Variants in MDGA2 observed in about 807,000 individuals in gnomAD.
MDGA2 encodes the protein MAM domain containing glycosylphosphatidylinositol anchor 2.
A neutral mutation model predicts 117.8 loss-of-function variants in MDGA2; 40 were observed. The ratio of observed to expected loss-of-function variants is 0.34; its 90% CI spans 0.26 to 0.44. The LOEUF (loss-of-function observed/expected upper bound fraction) is 0.44. Among genes scored for constraint, MDGA2 ranks in the 20% least tolerant of loss-of-function variants. The probability of loss-of-function intolerance (pLI) is 1.00; values close to 1 mark genes in which losing one functional copy is unlikely to be tolerated. For missense variants in MDGA2, 1,123 were observed against 1,250.6 expected (o/e 0.90, Z 1.54); for synonymous variants, 452 against 439.0 (o/e 1.03, Z -0.37).
intron 1 of MDGA2, among the ~76,000 whole-genome samples, chr14:47,385,184 A>G (rs557423318): frequency 1.3e-5 from 2 of 152,120 alleles, no homozygotes; most frequent in Non-Finnish European, 2.9e-5. Context: ...GTTTTCATTT[A>G]TGTTTTAAGT....
intron 1 of MDGA2, among the ~76,000 whole-genome samples, chr14:47,459,920 C>A (rs1283264914): frequency 6.6e-6 from 1 of 151,966 alleles, no homozygotes; most frequent in Non-Finnish European, 1.5e-5. Flanking sequence ...TCAAACCAGG[C>A]AATTTATTTT....
chr14:47,220,634 C>T (rs1407073303), intron 2 of MDGA2, among the ~76,000 whole-genome samples: 1 of 152,148 alleles, frequency 6.6e-6, no homozygotes, highest in African/African-American at 2.4e-5. Flanking sequence ...CTATTTATAG[C>T]CCTGGACTTC....
intron 5 of MDGA2, among the ~76,000 whole-genome samples, chr14:47,105,602 T>C (rs1880612857): frequency 6.6e-6 from 1 of 152,040 alleles, no homozygotes; most frequent in Non-Finnish European, 1.5e-5. Flanking sequence ...AAAATGGCAC[T>C]TTGAATTTTT....
At chr14:47,237,948 A>C (rs992294370) in intron 2 of MDGA2, among the ~76,000 whole-genome samples, 1 of 152,062 alleles carries the variant, frequency 6.6e-6, no homozygotes, top group East Asian at 1.9e-4. Context: ...TTGGCTTCCC[A>C]TTGCCCAGAA....
chr14:47,224,465 A>C (rs1291706848), intron 2 of MDGA2, among the ~76,000 whole-genome samples: 1 of 151,406 alleles, frequency 6.6e-6, no homozygotes, highest in Non-Finnish European at 1.5e-5. Context: ...TAGATGCAAC[A>C]AACTCAATAA....
intron 9 of MDGA2, among the ~76,000 whole-genome samples, chr14:46,943,507 T>A (rs1167794186): frequency 6.6e-6 from 1 of 152,066 alleles, no homozygotes; most frequent in East Asian, 1.9e-4. Flanking sequence ...CAAAAAACTT[T>A]TGAAGGATTT....
At chr14:47,035,687 G>C (rs909728233) in intron 7 of MDGA2, among the ~76,000 whole-genome samples, 1 of 152,116 alleles carries the variant, frequency 6.6e-6, no homozygotes, top group African/African-American at 2.4e-5. Context: ...GTCAGAAAGG[G>C]AAAAAGAGAA....
intron 8 of MDGA2, among the ~76,000 whole-genome samples, chr14:47,015,856 A>G (rs1401994716): frequency 1.3e-5 from 2 of 152,090 alleles, no homozygotes; most frequent in Non-Finnish European, 2.9e-5. Flanking sequence ...GCAGAATTAC[A>G]GAAATCTAAG....
At chr14:46,944,055 C>T (rs1885086474) in intron 9 of MDGA2, among the ~76,000 whole-genome samples, 1 of 151,974 alleles carries the variant, frequency 6.6e-6, no homozygotes, top group South Asian at 2.1e-4. Flanking sequence ...CACTTATTTA[C>T]TATACCTAAT....
At position 47,247,583 on chromosome 14, in the gene MDGA2, G is replaced by A. The variant is rs1057271853; in HGVS notation, c.421-29388C>T. 5.3e-5 allele frequency among the ~76,000 whole-genome samples: 8 copies of A among 151,256 alleles called. 1 individual carries two copies. Among genetic ancestry groups the A allele is most frequent in the Non-Finnish European group, 7.4e-5 (5 of 67,686 alleles). On this transcript the variant is annotated intron_variant, in intron 2 of 16. Coordinates refer to ENST00000399232, the MANE Select transcript of MDGA2 (RefSeq NM_001113498.3). ...CTCCCAAAGTGCTGGGATTACAGGC[G>A]TGAGCCACCGTGTCCAGACTAGTTT...
At chr14:46,965,165 C>T (rs371830263) in intron 8 of MDGA2, among the ~76,000 whole-genome samples, 8 of 120,406 alleles carry the variant, frequency 6.6e-5, no homozygotes, top group South Asian at 2.5e-4. Flanking sequence ...CCTCGTGATC[C>T]GCCCGCCTCG....
intron 10 of MDGA2, among the ~76,000 whole-genome samples, chr14:46,906,850 C>A (rs911522421): frequency 6.6e-6 from 1 of 151,156 alleles, no homozygotes; most frequent in Non-Finnish European, 1.5e-5. Context: ...CCCACCCGGA[C>A]AAAATGTGCC....
chr14:46,972,971 C>A (rs950399109), intron 8 of MDGA2, among the ~76,000 whole-genome samples: 2 of 152,054 alleles, frequency 1.3e-5, no homozygotes, highest in African/African-American at 4.8e-5. Context: ...AAGACCTTAA[C>A]AGACACCTCA....
Position 47,035,262 on chromosome 14 carries a change from A to G in MDGA2, c.1568T>C (p.Val523Ala). ...LTVPQEKSPL[V>A]TREGDTIELQ... is the part of the protein sequence containing the mutation. ...TTCTATTGTGTCTCCTTCTCTGGTG[A>G]CCAATGGTGATTTTTCCTGTGGAAC... The change falls in exon 8 of 17, where the codon GTC becomes GCC. Residue 523 changes from valine (V) to alanine (A), a missense_variant. This residue lies in a region of MDGA2 where 890 missense variants were observed against 1,050.3 expected (regional missense o/e 0.85). Transcript: ENST00000399232. The G allele has an allele frequency of 6.2e-7, 1 of 1,614,014 alleles. No individual in the cohort carries two copies. Among genetic ancestry groups the G allele is most frequent in the Admixed American group, 1.7e-5 (1 of 60,008 alleles).
intron 15 of MDGA2, among the ~76,000 whole-genome samples, chr14:46,852,009 G>A (rs1326237056): frequency 6.6e-6 from 1 of 151,618 alleles, no homozygotes; most frequent in African/African-American, 2.4e-5. Flanking sequence ...TGTGTTTCAC[G>A]TTTCCTTGAA....
intron 1 of MDGA2, among the ~76,000 whole-genome samples, chr14:47,340,004 T>C (rs1335958080): frequency 1.3e-5 from 2 of 152,200 alleles, no homozygotes; most frequent in East Asian, 1.9e-4. Context: ...ATAGAATTTA[T>C]CAAATATGTA....
At chr14:46,865,485 C>CAG (rs1274082908) in intron 14 of MDGA2, among the ~76,000 whole-genome samples, 1 of 152,118 alleles carries the variant, frequency 6.6e-6, no homozygotes, top group Non-Finnish European at 1.5e-5. Context: ...TGGCACAAGA[C>CAG]AGGGATGCCC....
intron 1 of MDGA2, among the ~76,000 whole-genome samples, chr14:47,464,239 T>C (rs1893553090): frequency 6.6e-6 from 1 of 150,940 alleles, no homozygotes; most frequent in Non-Finnish European, 1.5e-5. Context: ...CAGGATAAAA[T>C]AACACAAGGG....
rs201568945 is a variant in MDGA2, at chr14:46,918,667, AT to A, written c.2238+1344del. On this transcript the variant is annotated intron_variant, in intron 10 of 16. Coordinates refer to ENST00000399232, the MANE Select transcript of MDGA2 (RefSeq NM_001113498.3). ...GCACTTAGAGAAGAATCCAGTAATT[AT>A]CAAAGGCCAGGATGTTTTCACTAGG... is the stretch of plus-strand genomic sequence containing the variant. 2.0e-5 allele frequency among the ~76,000 whole-genome samples: 3 copies of A among 151,848 alleles called. No homozygotes were observed. The East Asian group carries it at 5.8e-4, about 29-fold the overall frequency.
Sources: allele counts gnomAD v4.1 joint callset (sites outside exome capture counted in the v4.1 genomes callset), GRCh38; gene constraint gnomAD v4.1.1; regional missense constraint gnomAD v4.1.1; transcripts MANE v1.5; gene names NCBI Gene and HGNC (gene_info 2026-07-23, HGNC 2026-07-21).